The following CCNJL variants were observed in gnomAD, a reference collection of about 807,000 sequenced individuals.
The protein encoded by CCNJL is cyclin J like.
A neutral mutation model predicts 33.4 loss-of-function variants in CCNJL; 33 were observed. The observed-to-expected ratio is 0.99, with a 90% CI of 0.75 to 1.32. CCNJL has a LOEUF of 1.32. Ranked by LOEUF, CCNJL falls within the 40% of genes most tolerant of loss-of-function variation. The pLI is 0.00. For missense variants in CCNJL, 512 were observed against 499.7 expected (o/e 1.02, Z -0.23); for synonymous variants, 227 against 220.9 (o/e 1.03, Z -0.24).
At chr5:160,283,077 C>T (rs754684944) in intron 2 of CCNJL, among the ~76,000 whole-genome samples, 26 of 141,952 alleles carry the variant, frequency 1.8e-4, no homozygotes, top group African/African-American at 2.6e-4. Flanking sequence ...TATATGAATA[C>T]TCACAGCAGC....
intron 2 of CCNJL, among the ~76,000 whole-genome samples, chr5:160,295,984 T>C (rs1296963230): frequency 7.2e-5 from 11 of 152,232 alleles, no homozygotes; most frequent in Admixed American, 1.3e-4. Context: ...CGCTTGAGCC[T>C]GATGCTCAAC....
chr5:160,280,771 C>G (rs540298937), intron 2 of CCNJL, 33 bp from the exon 3 acceptor site: 3 of 1,433,294 alleles, frequency 2.1e-6, no homozygotes, highest in Non-Finnish European at 2.9e-6. Context: ...GGGTGACGGT[C>G]AGGGCTGCCT....
rs70990720 is a variant in CCNJL, at chr5:160,282,966, A to AATATATATATATAT, written c.67-2242_67-2229dup. On this transcript the variant is annotated intron_variant, in intron 2 of 5. Coordinates refer to ENST00000257536, the MANE Select transcript of CCNJL (RefSeq NM_001308173.3). ...GTGACCCAGCCATTCCAGTCCTTGG[A>AATATATATATATAT]ATATATATATATATATATATATATA... is the stretch of plus-strand genomic sequence containing the variant. Among the ~76,000 whole-genome samples the AATATATATATATAT allele has an allele frequency of 2.5e-3, 109 of 43,304 alleles. 6 individuals are homozygous for AATATATATATATAT. The highest frequency in any genetic ancestry group is 3.6e-3 in the Non-Finnish European group (76 of 21,080). The allele number at this position is 43,304 out of a possible 152,430, so 28.4% of individuals were successfully genotyped here.
chr5:160,270,976 C>A (rs916939756), intron 3 of CCNJL, among the ~76,000 whole-genome samples: 1 of 152,180 alleles, frequency 6.6e-6, no homozygotes, highest in Non-Finnish European at 1.5e-5. Flanking sequence ...AGAAACCTCA[C>A]TATGTCGGTG....
intron 3 of CCNJL, among the ~76,000 whole-genome samples, chr5:160,275,402 C>T (rs1761977496): frequency 6.6e-6 from 1 of 152,076 alleles, no homozygotes; most frequent in Non-Finnish European, 1.5e-5. Flanking sequence ...TGGAAGGATT[C>T]ACACAAAACT....
chr5:160,259,587 G>C lies in CCNJL; in HGVS notation c.465C>G (p.Leu155=), dbSNP rs770765802. The C allele has an allele frequency of 6.2e-7, 1 of 1,614,232 alleles. No homozygotes were observed. The highest frequency in any genetic ancestry group is 1.1e-5 in the South Asian group (1 of 91,080). Reference sequence around the variant, plus strand: ...GGTCCTTCTGGCTGACGGAGGCCAAGAGGTAGTAGTCCAGGAAGTGGGCAG... The same window carrying C: ...GGTCCTTCTGGCTGACGGAGGCCAACAGGTAGTAGTCCAGGAAGTGGGCAG... ...PTPAHFLDYY[L]LASVSQKDHH... Residue 155 remains leucine, a synonymous_variant, in exon 4 of 6, where the codon CTC becomes CTG. Transcript: ENST00000257536.
At chr5:160,317,253 G>T (rs758364519), upstream of CCNJL, among the ~76,000 whole-genome samples, 8 of 152,178 alleles carry the variant, frequency 5.3e-5, no homozygotes, top group Non-Finnish European at 8.8e-5. Flanking sequence ...TGAGAACAAG[G>T]CAGGAAGAAT....
At chr5:160,330,550 G>T (rs957611337) in intron 1 of CCNJL, among the ~76,000 whole-genome samples, 31 of 152,098 alleles carry the variant, frequency 2.0e-4, no homozygotes, top group Non-Finnish European at 3.5e-4. Flanking sequence ...AAACCTTCAG[G>T]CTTTAAACCT....
chr5:160,250,693 C>A lies in CCNJL; in HGVS notation c.*2685G>T, dbSNP rs917509437. Reference sequence around the variant, plus strand: ...TACATATACATATTTTGACATGTAACGCTTCTGAAATCAGAATGCAACATA... The same window carrying A: ...TACATATACATATTTTGACATGTAAAGCTTCTGAAATCAGAATGCAACATA... On this transcript the variant is annotated 3_prime_UTR_variant, in exon 6 of 6. Coordinates refer to ENST00000257536, the MANE Select transcript of CCNJL (RefSeq NM_001308173.3). The A allele has an allele frequency of 2.6e-5, 4 of 152,212 alleles. No homozygotes were observed. Among genetic ancestry groups the A allele is most frequent in the African/African-American group, 9.6e-5 (4 of 41,472 alleles). The allele number at this position is 152,212 out of a possible 1,614,324, so 9.4% of individuals were successfully genotyped here.
At chr5:160,332,728 G>A (rs1763625595) in intron 1 of CCNJL, among the ~76,000 whole-genome samples, 1 of 151,548 alleles carries the variant, frequency 6.6e-6, no homozygotes, top group Non-Finnish European at 1.5e-5. Context: ...TTAGCAGGGG[G>A]GCTTTTCCCA....
chr5:160,321,012 CTCTTTCTTTCTTTCTTTCTTTCTTT>C (rs1763448975), intron 1 of CCNJL, among the ~76,000 whole-genome samples: 1 of 71,952 alleles, frequency 1.4e-5, no homozygotes, highest in African/African-American at 6.9e-5. Context: ...CTCTCTCTCT[CTCTTTCTTTCTTTCTTTCTTTCTTT>C]CTTTCTTTCT....
Position 160,250,739 on chromosome 5 carries a change from A to G in CCNJL, c.*2639T>C, listed in dbSNP as rs572696857. The G allele has an allele frequency of 6.6e-6, 1 of 152,348 alleles. No homozygotes were observed. Among genetic ancestry groups the G allele is most frequent in the South Asian group, 2.1e-4 (1 of 4,830 alleles). 9.4% of individuals were successfully genotyped at this position (152,348 alleles called of 1,614,324 possible). A position where few individuals can be genotyped will look rare whatever the true frequency, so the allele number is the denominator to read the frequency against. ...ACATATAATCAATGGTATCTTGCAA[A>G]CTGCCTCATGATTTAGTTTTCTAAA... On this transcript the variant is annotated 3_prime_UTR_variant, in exon 6 of 6. Coordinates refer to ENST00000257536, the MANE Select transcript of CCNJL (RefSeq NM_001308173.3).
intron 1 of CCNJL, among the ~76,000 whole-genome samples, chr5:160,336,872 T>C (rs1249185740): frequency 6.6e-6 from 1 of 151,964 alleles, no homozygotes; most frequent in African/African-American, 2.4e-5. Flanking sequence ...TGGCTCTATC[T>C]CCAAAGACGG....
intron 2 of CCNJL, 89 bp from the exon 3 acceptor site, chr5:160,280,827 A>G: frequency 1.1e-6 from 1 of 876,942 alleles, no homozygotes; most frequent in African/African-American, 1.7e-5. Flanking sequence ...CAGGGCCTGA[A>G]TGGGAGGCAA....
At chr5:160,336,293 G>A (rs996336424) in intron 1 of CCNJL, among the ~76,000 whole-genome samples, 1 of 152,202 alleles carries the variant, frequency 6.6e-6, no homozygotes, top group African/African-American at 2.4e-5. Flanking sequence ...TGTAATTAAG[G>A]GTCTTGAGGT....
At position 160,283,602 on chromosome 5, in the gene CCNJL, A is replaced by G. The variant is rs541376375; in HGVS notation, c.67-2864T>C. On this transcript the variant is annotated intron_variant, in intron 2 of 5. Coordinates refer to ENST00000257536, the MANE Select transcript of CCNJL (RefSeq NM_001308173.3). ...GGAGAATGGGGTATCCATCCCCGCA[A>G]GCATTTATCCTTTGTGTTACAAACA... is the stretch of plus-strand genomic sequence containing the variant. Among the ~76,000 whole-genome samples, 4 of 152,338 alleles carry G rather than the reference A, an allele frequency of 2.6e-5. No individual in the cohort carries two copies. The South Asian group carries it at 8.3e-4, about 32-fold the overall frequency.
intron 3 of CCNJL, chr5:160,261,480 TTTC>T (rs1427784878): frequency 2.0e-5 from 3 of 152,302 alleles, no homozygotes; most frequent in Non-Finnish European, 4.4e-5. Flanking sequence ...AAGTACACAC[TTTC>T]TTGTCTTGCA....
chr5:160,272,561 G>T (rs1405343674), intron 3 of CCNJL, among the ~76,000 whole-genome samples: 1 of 152,178 alleles, frequency 6.6e-6, no homozygotes, highest in Non-Finnish European at 1.5e-5. Context: ...ACGGGTGAGG[G>T]GCCGGGATGG....
chr5:160,284,141 T>C (rs999505252), intron 2 of CCNJL, among the ~76,000 whole-genome samples: 5 of 151,952 alleles, frequency 3.3e-5, no homozygotes, highest in African/African-American at 1.2e-4. Context: ...CGCTTGAGTT[T>C]AGGAGTTTGA....
Sources: gnomAD v4.1 joint callset for allele counts (sites outside exome capture counted in the v4.1 genomes callset) on GRCh38, gnomAD v4.1.1 for gene constraint, MANE v1.5 for transcripts, NCBI Gene and HGNC (gene_info 2026-07-23, HGNC 2026-07-21) for gene names.